Variants in SAG observed in about 807,000 individuals in gnomAD.
SAG encodes S-antigen visual arrestin, also known as S-arrestin.
A neutral mutation model predicts 55.0 loss-of-function variants in SAG; 45 were observed. The observed-to-expected ratio is 0.82, with a 90% confidence interval of 0.64 to 1.05. SAG has a LOEUF of 1.05. SAG is among the 50% of genes least tolerant of loss of function. The pLI, the probability that SAG is intolerant of heterozygous loss-of-function variation, is 0.00. For missense variants in SAG, 455 were observed against 512.1 expected, an observed-to-expected ratio of 0.89 and a Z score of 1.08; for synonymous variants, 189 against 197.4, an observed-to-expected ratio of 0.96 and a Z score of 0.36.
chr2:233,328,595 G>A lies in SAG; in HGVS notation c.630G>A (p.Ala210=), dbSNP rs186670525. 18 of 1,612,446 alleles carry A rather than the reference G, an allele frequency of 1.1e-5. No homozygotes were observed. The highest frequency in any genetic ancestry group is 1.7e-4 in the Middle Eastern group (1 of 6,056). ...TGTCTGACAAGCCCCTGCACCTTGC[G>A]GTCTCTCTCAACAAAGAGGTAACCA... ...FFMSDKPLHL[A]VSLNKEIYFH... The change falls in exon 8 of 16, where the codon GCG becomes GCA. Residue 210 remains alanine (A), a synonymous_variant. Transcript: ENST00000409110.
rs116955062 is a variant in SAG, at chr2:233,324,601, G to A, written c.435+1596G>A. Among the ~76,000 whole-genome samples, 26 of 152,248 alleles carry A rather than the reference G, an allele frequency of 1.7e-4. No homozygotes were observed. In the East Asian group the frequency reaches 4.8e-3, roughly 28 times the overall value. On this transcript the variant is annotated intron_variant, in intron 6 of 15. Coordinates refer to ENST00000409110, the MANE Select transcript of SAG (RefSeq NM_000541.5). ...ACAGAGTTGAGAACAGAGTTGAGATGGCCAAGCATGTGCTGTGGGGACTGA... is the reference window on the plus strand; with the variant it reads ...ACAGAGTTGAGAACAGAGTTGAGATAGCCAAGCATGTGCTGTGGGGACTGA...
chr2:233,338,055 C>A (rs1284241047), intron 11 of SAG, among the ~76,000 whole-genome samples: 1 of 152,204 alleles, frequency 6.6e-6, no homozygotes, highest in Non-Finnish European at 1.5e-5. Flanking sequence ...ACAGCTCTCA[C>A]TTGGTGCCAG....
chr2:233,331,933 T>C (rs531199989), intron 10 of SAG: 37 of 565,542 alleles, frequency 6.5e-5, no homozygotes, highest in African/African-American at 6.0e-4. Context: ...TGAGGATTAA[T>C]GCAAGCCAAA....
At chr2:233,314,075 A>G (rs1039159510) in intron 2 of SAG, among the ~76,000 whole-genome samples, 6 of 151,972 alleles carry the variant, frequency 3.9e-5, no homozygotes, top group Admixed American at 6.6e-5. Flanking sequence ...ATAAAAAATT[A>G]GCTGGGCATG....
At chr2:233,321,986 TACACACACACACACAC>T (rs57822347) in intron 5 of SAG, among the ~76,000 whole-genome samples, 3,950 of 133,218 alleles carry the variant, frequency 0.03, 85 homozygotes, top group Non-Finnish European at 0.04. Flanking sequence ...CTACTAAAAA[TACACACACACACACAC>T]ACACACACAC....
intron 14 of SAG, 159 bp from the exon 15 acceptor site, chr2:233,346,244 C>T (rs539314708): frequency 7.2e-5 from 47 of 654,326 alleles, no homozygotes; most frequent in African/African-American, 4.9e-4. Context: ...AGGAATTACA[C>T]GCAGTGATCA....
intron 1 of SAG, 197 bp from the exon 2 acceptor site, chr2:233,308,965 A>AC: frequency 2.3e-6 from 1 of 442,794 alleles, no homozygotes; most frequent in Admixed American, 3.7e-5. Context: ...TATTGAAAAC[A>AC]CCCCAAAGCA....
intron 3 of SAG, among the ~76,000 whole-genome samples, chr2:233,317,941 A>G (rs1029561914): frequency 2.7e-4 from 41 of 152,298 alleles, no homozygotes; most frequent in African/African-American, 8.2e-4. Context: ...TAGTAAAAGC[A>G]TTCGTATAAT....
At chr2:233,310,534 G>T (rs977286314) in intron 2 of SAG, among the ~76,000 whole-genome samples, 1 of 130,840 alleles carries the variant, frequency 7.6e-6, no homozygotes, top group African/African-American at 3.1e-5. Flanking sequence ...TTTTGAGACA[G>T]AGTCTCACTC....
chr2:233,315,608 G>T (rs892852567), intron 2 of SAG, among the ~76,000 whole-genome samples: 1 of 151,136 alleles, frequency 6.6e-6, no homozygotes, highest in Non-Finnish European at 1.5e-5. Context: ...AGAAGTTCTT[G>T]TGACAAAGAG....
chr2:233,325,530 A>G (rs1171871523), intron 6 of SAG, among the ~76,000 whole-genome samples: 1 of 152,058 alleles, frequency 6.6e-6, no homozygotes, highest in African/African-American at 2.4e-5. Context: ...GGTCCAGGAC[A>G]ATGGGGTGGG....
At chr2:233,337,114 A>G (rs1272317793) in intron 11 of SAG, among the ~76,000 whole-genome samples, 8 of 151,530 alleles carry the variant, frequency 5.3e-5, no homozygotes, top group Non-Finnish European at 7.4e-5. Flanking sequence ...AAAAAAGTCA[A>G]TCCCAGCAAA....
rs772665064 is a variant in SAG at position 233,342,309 on chromosome 2, C to A, written c.1085C>A (p.Pro362His). The A allele has an allele frequency of 5.0e-6, 8 of 1,608,498 alleles. No individual in the cohort carries two copies. In the South Asian group the frequency reaches 8.9e-5, roughly 18 times the overall value. ...GAGGTCCCATTCCGCCTCATGCACC[C>A]TCAGCCTGAGGACCCAGGTCAGTTA... ...ATEVPFRLMH[P>H]QPEDPAKESY... Residue 362 changes from proline to histidine, a missense_variant, in exon 14 of 16, where the codon CCT becomes CAT. Coordinates refer to ENST00000409110, the MANE Select transcript of SAG (RefSeq NM_000541.5).
chr2:233,325,903 G>A (rs946833865), intron 6 of SAG, among the ~76,000 whole-genome samples: 5 of 152,104 alleles, frequency 3.3e-5, no homozygotes, highest in Non-Finnish European at 7.4e-5. Flanking sequence ...AACAACGGCC[G>A]GCTGATGGCA....
chr2:233,338,550 C>A, intron 11 of SAG, 126 bp from the exon 12 acceptor site: 1 of 800,472 alleles, frequency 1.2e-6, no homozygotes. Flanking sequence ...TTTGGAAGCT[C>A]AGTGAGTTCA....
rs1172074627 is a variant in SAG, at chr2:233,319,324, T to C, written c.181+529T>C. 1.3e-5 allele frequency among the ~76,000 whole-genome samples: 2 copies of C among 152,118 alleles called. No individual in the cohort carries two copies. Among genetic ancestry groups the C allele is most frequent in the Non-Finnish European group, 2.9e-5 (2 of 68,038 alleles). ...GGGGAGTAAGACCCAGAATTTATTATGGTGCTTACTTCGATGGTTCTGAAC... is the reference window on the plus strand; with the variant it reads ...GGGGAGTAAGACCCAGAATTTATTACGGTGCTTACTTCGATGGTTCTGAAC... On this transcript the variant is annotated intron_variant, in intron 4 of 15. Transcript: ENST00000409110. The surrounding 1 kb of genome is among the most constrained non-coding windows in gnomAD (Gnocchi z 4.4).
In SAG at chr2:233,319,231, C is replaced by T. The variant is rs1287761194; in HGVS notation, c.181+436C>T. Among the ~76,000 whole-genome samples, 7 of 151,684 alleles carry T rather than the reference C, an allele frequency of 4.6e-5. No individual in the cohort carries two copies. Among genetic ancestry groups the T allele is most frequent in the Non-Finnish European group, 1.0e-4 (7 of 67,938 alleles). ...TGAGTCAGTGGCGAGGGGCAGTTAC[C>T]GTTGGGGCTGACAGGCAAAATTCTC... On this transcript the variant is annotated intron_variant, in intron 4 of 15. Coordinates refer to ENST00000409110, the MANE Select transcript of SAG (RefSeq NM_000541.5). This position sits in a 1 kb window ranked among gnomAD's most constrained non-coding sequence, Gnocchi z 4.4.
In SAG at chr2:233,319,155, G is replaced by A. The variant is rs1700304904; in HGVS notation, c.181+360G>A. 6.6e-6 allele frequency among the ~76,000 whole-genome samples: 1 copy of A among 152,128 alleles called. No individual in the cohort carries two copies. The highest frequency in any genetic ancestry group is 1.5e-5 in the Non-Finnish European group (1 of 68,018). Reference sequence around the variant, plus strand: ...GCCTGGGGTGCCTAGGACTCAGGAGGACACAAGACCTTGAATGAATGAGGG... The same window carrying A: ...GCCTGGGGTGCCTAGGACTCAGGAGAACACAAGACCTTGAATGAATGAGGG... On this transcript the variant is annotated intron_variant, in intron 4 of 15. Transcript: ENST00000409110. The surrounding 1 kb of genome is among the most constrained non-coding windows in gnomAD (Gnocchi z 4.4).
intron 2 of SAG, among the ~76,000 whole-genome samples, chr2:233,313,091 A>G (rs1700121050): frequency 1.3e-5 from 2 of 152,220 alleles, no homozygotes; most frequent in Admixed American, 1.3e-4. Flanking sequence ...GGCTCCTGCA[A>G]GAGCACCCAG....
Sources: allele counts gnomAD v4.1 joint callset (sites outside exome capture counted in the v4.1 genomes callset), GRCh38; gene constraint gnomAD v4.1.1; non-coding constraint Gnocchi (gnomAD v3.1); transcripts MANE v1.5; gene names NCBI Gene and HGNC (gene_info 2026-07-23, HGNC 2026-07-21).